The following FAM53B variants were observed in gnomAD, a reference collection of about 807,000 sequenced individuals.
FAM53B encodes the protein family with sequence similarity 53 member B.
A neutral mutation model predicts 32.7 loss-of-function variants in FAM53B; 12 were observed. The observed-to-expected ratio is 0.37, with a 90% CI of 0.24 to 0.59. The LOEUF (loss-of-function observed/expected upper bound fraction) is 0.59, where lower values mean the gene tolerates loss of function less well. Ranked by LOEUF, FAM53B falls within the 20% of genes least tolerant of loss-of-function variation. FAM53B has a pLI of 0.72. For missense variants in FAM53B, 477 were observed against 577.7 expected, an observed-to-expected ratio of 0.83 and a Z score of 1.79; for synonymous variants, 234 against 228.7, an observed-to-expected ratio of 1.02 and a Z score of -0.21.
intron 1 of FAM53B, among the ~76,000 whole-genome samples, chr10:124,738,038 G>A (rs1589769495): frequency 6.6e-6 from 1 of 152,248 alleles, no homozygotes; most frequent in South Asian, 2.1e-4. Flanking sequence ...TGACCTCGAT[G>A]ATGCCCACAG....
intron 1 of FAM53B, among the ~76,000 whole-genome samples, chr10:124,722,803 G>C (rs1248507634): frequency 6.6e-6 from 1 of 152,212 alleles, no homozygotes; most frequent in Non-Finnish European, 1.5e-5. Flanking sequence ...CCAGGAAGGA[G>C]GGAGACGTGT....
chr10:124,644,446 C>T (rs1365841235), intron 4 of FAM53B, among the ~76,000 whole-genome samples: 1 of 152,224 alleles, frequency 6.6e-6, no homozygotes, highest in Non-Finnish European at 1.5e-5. Flanking sequence ...TCCTTCCTTC[C>T]TTCCCTTTAG....
chr10:124,741,665 A>G (rs1950200363), intron 1 of FAM53B, among the ~76,000 whole-genome samples: 1 of 152,206 alleles, frequency 6.6e-6, no homozygotes, highest in Non-Finnish European at 1.5e-5. Context: ...AGAATATATA[A>G]GGGGAAAGAG....
chr10:124,644,728 C>A (rs1469497601), intron 4 of FAM53B, among the ~76,000 whole-genome samples: 1 of 152,066 alleles, frequency 6.6e-6, no homozygotes, highest in Non-Finnish European at 1.5e-5. Context: ...CCCGAGAGTG[C>A]AGATGGGTCC....
intron 4 of FAM53B, among the ~76,000 whole-genome samples, chr10:124,654,206 C>CGCG (rs1384486647): frequency 6.6e-6 from 1 of 152,274 alleles, no homozygotes; most frequent in Non-Finnish European, 1.5e-5. Flanking sequence ...GAATGAAACG[C>CGCG]TGCGCCCAGC....
intron 1 of FAM53B, among the ~76,000 whole-genome samples, chr10:124,708,934 G>C (rs116213780): frequency 1.3e-5 from 2 of 152,236 alleles, no homozygotes; most frequent in Non-Finnish European, 2.9e-5. Context: ...CCTTTGCCAA[G>C]TTACTCTCAG....
intron 1 of FAM53B, among the ~76,000 whole-genome samples, chr10:124,715,498 T>C (rs1271433007): frequency 2.0e-5 from 3 of 152,234 alleles, no homozygotes; most frequent in South Asian, 2.1e-4. Flanking sequence ...CTCCTGCCTA[T>C]GCCTCCCCCA....
intron 1 of FAM53B, among the ~76,000 whole-genome samples, chr10:124,725,547 G>T (rs1950096097): frequency 6.6e-6 from 1 of 152,234 alleles, no homozygotes; most frequent in Non-Finnish European, 1.5e-5. Context: ...GTCCATGACA[G>T]CTCTGTCAGC....
chr10:124,665,982 T>C (rs1276223427), intron 4 of FAM53B, among the ~76,000 whole-genome samples: 2 of 152,228 alleles, frequency 1.3e-5, no homozygotes, highest in Non-Finnish European at 2.9e-5. Flanking sequence ...CAGGTAAGGA[T>C]GGGGTCTTGT....
At chr10:124,680,925 G>GTATTAA (rs1230366766) in intron 4 of FAM53B, among the ~76,000 whole-genome samples, 1 of 152,180 alleles carries the variant, frequency 6.6e-6, no homozygotes, top group Non-Finnish European at 1.5e-5. Context: ...TGATGACAGA[G>GTATTAA]TATTAACTCC....
chr10:124,734,908 C>T (rs1358830798), intron 1 of FAM53B, among the ~76,000 whole-genome samples: 1 of 152,224 alleles, frequency 6.6e-6, no homozygotes, highest in Non-Finnish European at 1.5e-5. Flanking sequence ...AGCCTGGACC[C>T]TTCCCTCTGT....
At chr10:124,730,349 G>T (rs376125736) in intron 1 of FAM53B, among the ~76,000 whole-genome samples, 1 of 152,334 alleles carries the variant, frequency 6.6e-6, no homozygotes, top group Admixed American at 6.5e-5. Context: ...CAGTGAACCA[G>T]GAGCTGAGGT....
rs1949555752 is a variant in FAM53B, at chr10:124,651,526, CG to C, written c.907-27923del. Reference sequence around the variant, plus strand: ...TGTAGCAGGGAGCCCAGCCGCTGGACGGAATCACAATCCCACACACGGCACC... The same window carrying C: ...TGTAGCAGGGAGCCCAGCCGCTGGACGAATCACAATCCCACACACGGCACC... On this transcript the variant is annotated intron_variant, in intron 4 of 4. Transcript: ENST00000337318. This position sits in a 1 kb window ranked among gnomAD's most constrained non-coding sequence, Gnocchi z 5.2. 6.6e-6 allele frequency among the ~76,000 whole-genome samples: 1 copy of C among 152,194 alleles called. No individual in the cohort carries two copies. Among genetic ancestry groups the C allele is most frequent in the South Asian group, 2.1e-4 (1 of 4,832 alleles).
intron 1 of FAM53B, among the ~76,000 whole-genome samples, chr10:124,732,250 C>T (rs770705639): frequency 2.0e-5 from 3 of 152,250 alleles, no homozygotes; most frequent in African/African-American, 4.8e-5. Flanking sequence ...TCTCCAACAG[C>T]GCCCAAAGCC....
chr10:124,641,030 G>A (rs2134044505), intron 4 of FAM53B, among the ~76,000 whole-genome samples: 1 of 152,340 alleles, frequency 6.6e-6, no homozygotes, highest in Non-Finnish European at 1.5e-5. Flanking sequence ...ATGTGTGTGG[G>A]AGAGGCTGAA....
chr10:124,711,584 G>C (rs1950003793), intron 1 of FAM53B, among the ~76,000 whole-genome samples: 1 of 152,062 alleles, frequency 6.6e-6, no homozygotes. Context: ...AAAATTCATA[G>C]CACTAACCAC....
intron 4 of FAM53B, among the ~76,000 whole-genome samples, chr10:124,633,234 G>A (rs1949402846): frequency 8.1e-6 from 1 of 123,680 alleles, no homozygotes. Context: ...ATAAGAACTG[G>A]GAAAATTGAT....
At chr10:124,675,297 G>A (rs796119321) in intron 4 of FAM53B, among the ~76,000 whole-genome samples, 60 of 152,334 alleles carry the variant, frequency 3.9e-4, no homozygotes, top group African/African-American at 1.4e-3. Flanking sequence ...AAGGGAAGCA[G>A]GGAAGATGAG....
chr10:124,710,510 G>T (rs1949993981), intron 1 of FAM53B, among the ~76,000 whole-genome samples: 1 of 152,232 alleles, frequency 6.6e-6, no homozygotes, highest in African/African-American at 2.4e-5. Flanking sequence ...ACTGGGGAAT[G>T]CCAGGACCAG....
Sources: gnomAD v4.1 joint callset for allele counts (sites outside exome capture counted in the v4.1 genomes callset) on GRCh38, gnomAD v4.1.1 for gene constraint, Gnocchi (gnomAD v3.1) non-coding constraint, MANE v1.5 for transcripts, NCBI Gene and HGNC (gene_info 2026-07-23, HGNC 2026-07-21) for gene names.